Variants in NET1 observed in about 807,000 individuals in gnomAD.
NET1 encodes the protein neuroepithelial cell-transforming gene 1 protein.
A neutral mutation model predicts 61.1 loss-of-function variants in NET1; 42 were observed. The observed-to-expected ratio is 0.69, with a 90% CI of 0.54 to 0.89. NET1 has a LOEUF of 0.89. NET1 is among the 40% of genes least tolerant of loss of function. NET1 has a pLI of 0.00. For missense variants in NET1, 654 were observed against 747.3 expected (o/e 0.88, Z 1.46); for synonymous variants, 254 against 281.8 (o/e 0.90, Z 0.99).
At position 5,420,844 on chromosome 10, in the gene NET1, T is replaced by C. The variant is rs537134205; in HGVS notation, c.129-5811T>C. On this transcript the variant is annotated intron_variant, in intron 1 of 11. Transcript: ENST00000355029. The surrounding 1 kb of genome is among the most constrained non-coding windows in gnomAD (Gnocchi z 5.3). ...CTCCTGACCTCGTGAACCGCCCACC[T>C]TGACCTCCCAAAGTGCTGGGATTAC... Among the ~76,000 whole-genome samples the C allele has an allele frequency of 6.6e-6, 1 of 152,238 alleles. No homozygotes were observed. The highest frequency in any genetic ancestry group is 2.4e-5 in the African/African-American group (1 of 41,548).
Position 5,457,406 on chromosome 10 carries a change from A to T in NET1, c.*412A>T, listed in dbSNP as rs1393016940. ...GCTAAGCCTTGCATGCAAAATTTGA[A>T]ATTTTAACATTGGCACCCAAAACCT... On this transcript the variant is annotated 3_prime_UTR_variant, in exon 12 of 12. Coordinates refer to ENST00000355029, the MANE Select transcript of NET1 (RefSeq NM_001047160.3). The surrounding 1 kb of genome is among the most constrained non-coding windows in gnomAD (Gnocchi z 5.4). 6.5e-6 allele frequency: 1 copy of T among 153,586 alleles called. No homozygotes were observed. Among genetic ancestry groups the T allele is most frequent in the Non-Finnish European group, 1.5e-5 (1 of 68,740 alleles). The allele number at this position is 153,586 out of a possible 1,614,324, so 9.5% of individuals were successfully genotyped here. A position where few individuals can be genotyped will look rare whatever the true frequency, so the allele number is the denominator to read the frequency against.
chr10:5,419,220 G>A (rs1302868644), intron 1 of NET1, among the ~76,000 whole-genome samples: 2 of 152,094 alleles, frequency 1.3e-5, no homozygotes, highest in Non-Finnish European at 2.9e-5. Flanking sequence ...CTGTTTGCAT[G>A]ATACGTGTTT....
Position 5,412,670 on chromosome 10 carries a change from C to A in NET1, c.-23C>A. The A allele has an allele frequency of 6.9e-7, 1 of 1,456,216 alleles. No homozygotes were observed. Among genetic ancestry groups the A allele is most frequent in the South Asian group, 1.3e-5 (1 of 74,110 alleles). The allele number at this position is 1,456,216 out of a possible 1,614,324, so 90.2% of individuals were successfully genotyped here. On this transcript the variant is annotated 5_prime_UTR_variant, in exon 1 of 12. Coordinates refer to ENST00000355029, the MANE Select transcript of NET1 (RefSeq NM_001047160.3). The surrounding 1 kb of genome is among the most constrained non-coding windows in gnomAD (Gnocchi z 6.5). Reference sequence around the variant, plus strand: ...GCCGGTCTCCCGGGCACCCGGCCACCGCCCCACCCCCTCCTCCGTGCCATG... The same window carrying A: ...GCCGGTCTCCCGGGCACCCGGCCACAGCCCCACCCCCTCCTCCGTGCCATG...
At chr10:5,428,725 GTT>G (rs111559000) in intron 2 of NET1, among the ~76,000 whole-genome samples, 46 of 138,198 alleles carry the variant, frequency 3.3e-4, no homozygotes, top group Non-Finnish European at 5.4e-4. Flanking sequence ...AATTTTCTTT[GTT>G]TTTTTTTTTT....
chr10:5,454,979 T>C lies in NET1; in HGVS notation c.1058T>C (p.Ile353Thr), dbSNP rs201182048. ...ILIIQGVLSD[I>T]NLKKGESECQ... ...ATAATACAGGGAGTCCTCTCTGATA[T>C]CAACTTGAAGAAAGGTGAATCCGAG... The change falls in exon 10 of 12, where the codon ATC becomes ACC. Residue 353 changes from isoleucine to threonine, a missense_variant. Ile to Thr is a moderately conservative substitution (Grantham distance 89). Transcript: ENST00000355029. The surrounding 1 kb of genome is among the most constrained non-coding windows in gnomAD (Gnocchi z 8.1). 1.2e-6 allele frequency: 2 copies of C among 1,614,158 alleles called. No individual in the cohort carries two copies. The highest frequency in any genetic ancestry group is 1.7e-6 in the Non-Finnish European group (2 of 1,180,026).
In NET1 at chr10:5,453,174, CTCTT is replaced by C. The variant is rs373998179; in HGVS notation, c.595-74_595-71del. ...CACGCTAGCTTTTATGTAATTAATT[CTCTT>C]TGTTTCCAAGTATAGATCCCTCATG... On this transcript the variant is annotated intron_variant, in intron 6 of 11. Transcript: ENST00000355029. This position sits in a 1 kb window ranked among gnomAD's most constrained non-coding sequence, Gnocchi z 4.9. The C allele has an allele frequency of 6.7e-6, 6 of 889,966 alleles. No individual in the cohort carries two copies. In the African/African-American group the frequency reaches 9.9e-5, roughly 15 times the overall value. 55.1% of individuals were successfully genotyped at this position (889,966 alleles called of 1,614,324 possible).
rs949820708 is a variant in NET1, at chr10:5,422,809, C to G, written c.129-3846C>G. ...TAGCAAAGATGCTGAACAGCCAAAA[C>G]AGTAGTGGATGTCTACTACATCAGA... On this transcript the variant is annotated intron_variant, in intron 1 of 11. Transcript: ENST00000355029. The surrounding 1 kb of genome is among the most constrained non-coding windows in gnomAD (Gnocchi z 4.1). Among the ~76,000 whole-genome samples the G allele has an allele frequency of 1.3e-5, 2 of 152,174 alleles. No individual in the cohort carries two copies. The highest frequency in any genetic ancestry group is 6.5e-5 in the Admixed American group (1 of 15,280).
rs186960931 is a variant in NET1 at position 5,444,331 on chromosome 10, G to A, written c.256-7499G>A. Among the ~76,000 whole-genome samples, 160 of 152,312 alleles carry A rather than the reference G, an allele frequency of 1.1e-3. No homozygotes were observed. Among genetic ancestry groups the A allele is most frequent in the Middle Eastern group, 3.4e-3 (1 of 294 alleles). On this transcript the variant is annotated intron_variant, in intron 3 of 11. Transcript: ENST00000355029. The surrounding 1 kb of genome is among the most constrained non-coding windows in gnomAD (Gnocchi z 5.3). ...ACACACATAGCTACAGAAGGGCAGT[G>A]GTGGTCCTTCCTGCAAGAAGTAGCA...
At position 5,456,714 on chromosome 10, in the gene NET1, A is replaced by G. The variant is rs1212280704; in HGVS notation, c.1511A>G (p.Gln504Arg). 1.1e-5 allele frequency: 18 copies of G among 1,614,144 alleles called. No individual in the cohort carries two copies. The highest frequency in any genetic ancestry group is 1.4e-5 in the Non-Finnish European group (16 of 1,180,026). ...ATTCGAGCGGCCATTGCCCCCTTCCAGTCGGCAGGCAGTCCACCTGAGCTG... is the reference window on the plus strand; with the variant it reads ...ATTCGAGCGGCCATTGCCCCCTTCCGGTCGGCAGGCAGTCCACCTGAGCTG... The part of the protein sequence containing the change: ...NCIRAAIAPF[Q>R]SAGSPPELQG... The change falls in exon 12 of 12, where the codon CAG becomes CGG. Residue 504 changes from glutamine (Q) to arginine (R), a missense_variant. Gln to Arg is a conservative substitution (Grantham distance 43). Transcript: ENST00000355029. This position sits in a 1 kb window ranked among gnomAD's most constrained non-coding sequence, Gnocchi z 7.0.
In NET1 at chr10:5,429,056, A is replaced by G. The variant is rs965683555; in HGVS notation, c.196-114A>G. The G allele has an allele frequency of 9.5e-6, 7 of 738,934 alleles. No individual in the cohort carries two copies. In the Admixed American group the frequency reaches 2.0e-4, roughly 21 times the overall value. 45.8% of individuals were successfully genotyped at this position (738,934 alleles called of 1,614,324 possible). A position where few individuals can be genotyped will look rare whatever the true frequency, so the allele number is the denominator to read the frequency against. On this transcript the variant is annotated intron_variant, in intron 2 of 11. Transcript: ENST00000355029. Reference sequence around the variant, plus strand: ...GCCTCAAAGTAATTTTCTTGTGACTATAGCCAAAGGCTTAACTTTTTTAAA... The same window carrying G: ...GCCTCAAAGTAATTTTCTTGTGACTGTAGCCAAAGGCTTAACTTTTTTAAA...
Position 5,458,949 on chromosome 10 carries a change from A to C in NET1, c.*1955A>C, listed in dbSNP as rs1832855476. 1.3e-5 allele frequency among the ~76,000 whole-genome samples: 2 copies of C among 152,192 alleles called. No homozygotes were observed. Among genetic ancestry groups the C allele is most frequent in the African/African-American group, 4.8e-5 (2 of 41,442 alleles). ...AGCAAGTAATAGTTCAAGTGTTGTT[A>C]ATGGAATTATGTTTTATTTAAAACC... On this transcript the variant is annotated 3_prime_UTR_variant, in exon 12 of 12. Transcript: ENST00000355029. The surrounding 1 kb of genome is among the most constrained non-coding windows in gnomAD (Gnocchi z 4.5).
Position 5,424,853 on chromosome 10 carries a change from C to A in NET1, c.129-1802C>A, listed in dbSNP as rs1175940682. The stretch of plus-strand genomic sequence containing the variant: ...CGAACCGTCTCTCAAATCAGCTTCT[C>A]CTCTCTAATCTTGTTACTGCTGCCA... On this transcript the variant is annotated intron_variant, in intron 1 of 11. Transcript: ENST00000355029. The surrounding 1 kb of genome is among the most constrained non-coding windows in gnomAD (Gnocchi z 6.1). Among the ~76,000 whole-genome samples, 2 of 152,162 alleles carry A rather than the reference C, an allele frequency of 1.3e-5. No individual in the cohort carries two copies. The highest frequency in any genetic ancestry group is 2.9e-5 in the Non-Finnish European group (2 of 68,020).
In NET1 at chr10:5,447,455, A is replaced by G. The variant is rs74858610; in HGVS notation, c.256-4375A>G. On this transcript the variant is annotated intron_variant, in intron 3 of 11. Transcript: ENST00000355029. The surrounding 1 kb of genome is among the most constrained non-coding windows in gnomAD (Gnocchi z 4.1). ...AATATAAATCAAATTACTTTATGCC[A>G]TTTTATGTAATCTTGATTTAACATT... 0.045 allele frequency among the ~76,000 whole-genome samples: 6,803 copies of G among 152,186 alleles called. 207 individuals carry two copies. The highest frequency in any genetic ancestry group is 0.15 in the South Asian group (738 of 4,818).
Position 5,443,118 on chromosome 10 carries a change from A to G in NET1, c.256-8712A>G, listed in dbSNP as rs1832551508. Reference sequence around the variant, plus strand: ...GGTCTACTGTTAACTTAGGTCACTAACATATACTGAGCACCTAGTGTGTCT... The same window carrying G: ...GGTCTACTGTTAACTTAGGTCACTAGCATATACTGAGCACCTAGTGTGTCT... On this transcript the variant is annotated intron_variant, in intron 3 of 11. Transcript: ENST00000355029. The surrounding 1 kb of genome is among the most constrained non-coding windows in gnomAD (Gnocchi z 4.8). Among the ~76,000 whole-genome samples, 1 of 152,132 alleles carries G rather than the reference A, an allele frequency of 6.6e-6. No individual in the cohort carries two copies.
In NET1 at chr10:5,450,366, A is replaced by C. The variant is rs78539393; in HGVS notation, c.256-1464A>C. On this transcript the variant is annotated intron_variant, in intron 3 of 11. Transcript: ENST00000355029. ...GTCTAATTGTTTCTTTGGATATTCA[A>C]ATTATTTACATTTCTTTCCAAATAA... is the stretch of plus-strand genomic sequence containing the variant. 6.5e-3 allele frequency among the ~76,000 whole-genome samples: 989 copies of C among 152,210 alleles called. 37 individuals are homozygous for C. In the East Asian group the frequency reaches 0.11, roughly 16 times the overall value.
chr10:5,456,036 T>C lies in NET1; in HGVS notation c.1198-51T>C, dbSNP rs763472394. ...GAGTTATTTTAGCAATATATTTCAG[T>C]CACTTAAAAACACAAGTTTCCTATT... On this transcript the variant is annotated intron_variant, in intron 10 of 11. Transcript: ENST00000355029. This position sits in a 1 kb window ranked among gnomAD's most constrained non-coding sequence, Gnocchi z 7.0. The C allele has an allele frequency of 6.6e-7, 1 of 1,510,506 alleles. No individual in the cohort carries two copies. Among genetic ancestry groups the C allele is most frequent in the Non-Finnish European group, 9.0e-7 (1 of 1,108,034 alleles). The allele number at this position is 1,510,506 out of a possible 1,614,324, so 93.6% of individuals were successfully genotyped here. A position where few individuals can be genotyped will look rare whatever the true frequency, so the allele number is the denominator to read the frequency against.
At position 5,426,903 on chromosome 10, in the gene NET1, G is replaced by T. The variant is rs115186556; in HGVS notation, c.195+182G>T. On this transcript the variant is annotated intron_variant, in intron 2 of 11. Transcript: ENST00000355029. The surrounding 1 kb of genome is among the most constrained non-coding windows in gnomAD (Gnocchi z 4.6). Reference sequence around the variant, plus strand: ...TGCTAACAAGCTGTAATAACTTTTTGTTTCAAGTAAATATAAAACATATTT... The same window carrying T: ...TGCTAACAAGCTGTAATAACTTTTTTTTTCAAGTAAATATAAAACATATTT... Among the ~76,000 whole-genome samples the T allele has an allele frequency of 2.0e-3, 303 of 152,106 alleles. No homozygotes were observed. The highest frequency in any genetic ancestry group is 7.0e-3 in the African/African-American group (291 of 41,518).
In NET1 at chr10:5,447,346, G is replaced by A. The variant is rs889839306; in HGVS notation, c.256-4484G>A. Among the ~76,000 whole-genome samples the A allele has an allele frequency of 2.0e-5, 3 of 152,150 alleles. No individual in the cohort carries two copies. Among genetic ancestry groups the A allele is most frequent in the Admixed American group, 2.0e-4 (3 of 15,284 alleles). On this transcript the variant is annotated intron_variant, in intron 3 of 11. Coordinates refer to ENST00000355029, the MANE Select transcript of NET1 (RefSeq NM_001047160.3). The surrounding 1 kb of genome is among the most constrained non-coding windows in gnomAD (Gnocchi z 4.1). ...TTTTTCTTCAGAAGGAAAGAGGCAT[G>A]TTAGAATATTTAAACCAGTGACTCA...
At position 5,446,558 on chromosome 10, in the gene NET1, T is replaced by A; in HGVS notation, c.256-5272T>A. 2 of 1,158,962 alleles carry A rather than the reference T, an allele frequency of 1.7e-6. No individual in the cohort carries two copies. The highest frequency in any genetic ancestry group is 2.1e-6 in the Non-Finnish European group (2 of 941,760). The allele number at this position is 1,158,962 out of a possible 1,614,324, so 71.8% of individuals were successfully genotyped here. A position where few individuals can be genotyped will look rare whatever the true frequency, so the allele number is the denominator to read the frequency against. ...ACCCCGCCCCCAGGGCCCGGTTGGCTGTGGCCCCGCCCCCGAGCCCTGGGG... is the reference window on the plus strand; with the variant it reads ...ACCCCGCCCCCAGGGCCCGGTTGGCAGTGGCCCCGCCCCCGAGCCCTGGGG... On this transcript the variant is annotated intron_variant, in intron 3 of 11. Transcript: ENST00000355029. The surrounding 1 kb of genome is among the most constrained non-coding windows in gnomAD (Gnocchi z 5.0).
Sources: allele counts gnomAD v4.1 joint callset (sites outside exome capture counted in the v4.1 genomes callset), GRCh38; gene constraint gnomAD v4.1.1; non-coding constraint Gnocchi (gnomAD v3.1); transcripts MANE v1.5; gene names NCBI Gene and HGNC (gene_info 2026-07-23, HGNC 2026-07-21).